The following GPHN variants were observed in gnomAD, a reference collection of about 807,000 sequenced individuals.
GPHN encodes the protein gephyrin.
In GPHN, 17 loss-of-function variants were observed where a neutral mutation model predicts 95.5. The ratio of observed to expected loss-of-function variants is 0.18; its 90% CI spans 0.12 to 0.27. GPHN has a LOEUF of 0.27. Ranked by LOEUF, GPHN falls within the 10% of genes least tolerant of loss-of-function variation. The probability of loss-of-function intolerance (pLI) is 1.00; values close to 1 mark genes in which losing one functional copy is unlikely to be tolerated. For synonymous variants in GPHN, 320 were observed against 322.5 expected (o/e 0.99, Z 0.08); for missense variants, 660 against 978.1 (o/e 0.67, Z 4.34).
the GPHN span, among the ~76,000 whole-genome samples, chr14:67,255,888 T>C: frequency 1.3e-5 from 2 of 152,226 alleles, no homozygotes; most frequent in Non-Finnish European, 2.9e-5. Flanking sequence ...GGTTTCACCA[T>C]GTTGGCCAGG....
chr14:66,936,676 G>T (rs920098549), intron 8 of GPHN, among the ~76,000 whole-genome samples: 2 of 152,164 alleles, frequency 1.3e-5, no homozygotes, highest in African/African-American at 4.8e-5. Flanking sequence ...ATGTGCCAAA[G>T]ATTTTATTTA....
At chr14:66,616,695 G>A (rs1434922809) in intron 1 of GPHN, among the ~76,000 whole-genome samples, 1 of 152,042 alleles carries the variant, frequency 6.6e-6, no homozygotes, top group Non-Finnish European at 1.5e-5. Flanking sequence ...CCCAGTTAGG[G>A]GCATGGGGAA....
At chr14:66,773,973 T>G (rs1015784652) in intron 2 of GPHN, among the ~76,000 whole-genome samples, 4 of 150,552 alleles carry the variant, frequency 2.7e-5, no homozygotes, top group Non-Finnish European at 4.4e-5. Flanking sequence ...CATAAGGTAA[T>G]TGAGCATCAT....
chr14:67,357,987 G>A, the GPHN span, among the ~76,000 whole-genome samples: 68 of 152,022 alleles, frequency 4.5e-4, no homozygotes, highest in Non-Finnish European at 8.8e-4. Context: ...AGCCTGTTTC[G>A]TAAATGCTCT....
the GPHN span, among the ~76,000 whole-genome samples, chr14:67,606,669 G>A: frequency 2.6e-5 from 4 of 152,004 alleles, no homozygotes; most frequent in Admixed American, 1.3e-4. Context: ...GTTTTGAGAC[G>A]GAGTTTTGCT....
At chr14:66,654,722 C>G (rs1345817202) in intron 1 of GPHN, among the ~76,000 whole-genome samples, 5 of 152,066 alleles carry the variant, frequency 3.3e-5, no homozygotes, top group African/African-American at 1.2e-4. Context: ...ATAAAAATTC[C>G]TTGTCTAGCA....
chr14:66,706,248 A>C (rs181036042), intron 2 of GPHN, among the ~76,000 whole-genome samples: 3 of 152,312 alleles, frequency 2.0e-5, no homozygotes, highest in Non-Finnish European at 4.4e-5. Context: ...AAAGTAATGT[A>C]TAGATTCAAT....
chr14:67,463,217 A>C, the GPHN span, among the ~76,000 whole-genome samples: 2 of 152,094 alleles, frequency 1.3e-5, no homozygotes, highest in African/African-American at 4.8e-5. Context: ...TCAGGAGTTC[A>C]AGACCAGCCT....
chr14:67,450,610 T>C, the GPHN span, among the ~76,000 whole-genome samples: 1 of 152,186 alleles, frequency 6.6e-6, no homozygotes, highest in Non-Finnish European at 1.5e-5. Flanking sequence ...TAGAGATTTG[T>C]GGAACTTTGA....
At chr14:66,637,601 T>G (rs930670905) in intron 1 of GPHN, among the ~76,000 whole-genome samples, 7 of 152,156 alleles carry the variant, frequency 4.6e-5, no homozygotes, top group Non-Finnish European at 1.0e-4. Flanking sequence ...TATTATAGTT[T>G]GTGAGAAAGT....
the GPHN span, chr14:67,600,238 C>A: frequency 7.3e-6 from 11 of 1,507,312 alleles, no homozygotes; most frequent in Middle Eastern, 1.7e-4. Context: ...CCGCGCGGCG[C>A]TGCACTGCGC....
the GPHN span, chr14:67,390,660 C>T: frequency 3.1e-6 from 5 of 1,602,566 alleles, no homozygotes; most frequent in South Asian, 1.1e-5. Context: ...CATGCGCACT[C>T]ACTTTGGAAG....
chr14:67,149,544 C>T (rs1327234668), intron 18 of GPHN, among the ~76,000 whole-genome samples: 1 of 151,794 alleles, frequency 6.6e-6, no homozygotes. Context: ...GGTCTTGAGA[C>T]CAAAAATTCT....
the GPHN span, among the ~76,000 whole-genome samples, chr14:67,594,134 C>T: frequency 6.6e-6 from 1 of 152,208 alleles, no homozygotes; most frequent in South Asian, 2.1e-4. Flanking sequence ...AAACCTCCAT[C>T]AGCAAAATGT....
chr14:67,034,655 A>G (rs900174810), intron 10 of GPHN, among the ~76,000 whole-genome samples: 5 of 152,174 alleles, frequency 3.3e-5, no homozygotes, highest in East Asian at 1.9e-4. Flanking sequence ...TAGTTATATC[A>G]GACAAAATAT....
the GPHN span, among the ~76,000 whole-genome samples, chr14:67,551,006 A>G: frequency 6.6e-6 from 1 of 152,204 alleles, no homozygotes; most frequent in African/African-American, 2.4e-5. Context: ...TAGCTACATA[A>G]GTGTAGCCTA....
the GPHN span, chr14:67,204,607 G>A: frequency 1.9e-6 from 3 of 1,613,782 alleles, no homozygotes; most frequent in Non-Finnish European, 2.5e-6. Flanking sequence ...AGTAAAGCTG[G>A]TGAGTGGTCG....
At chr14:66,742,753 TTTTTGTTTTTG>T (rs2072898876) in intron 2 of GPHN, among the ~76,000 whole-genome samples, 1 of 152,136 alleles carries the variant, frequency 6.6e-6, no homozygotes, top group Non-Finnish European at 1.5e-5. Flanking sequence ...GTTCTTCTTG[TTTTTGTTTTTG>T]TTTTGTTTTG....
At chr14:67,320,687 A>G in the GPHN span, among the ~76,000 whole-genome samples, 1 of 151,136 alleles carries the variant, frequency 6.6e-6, no homozygotes. Flanking sequence ...AAAGTGATAC[A>G]GAAGATAGAA....
Sources: gnomAD v4.1 joint callset for allele counts (sites outside exome capture counted in the v4.1 genomes callset) on GRCh38, gnomAD v4.1.1 for gene constraint, MANE v1.5 for transcripts, NCBI Gene and HGNC (gene_info 2026-07-23, HGNC 2026-07-21) for gene names.